The following MFN1 variants were observed in gnomAD, a reference collection of about 807,000 sequenced individuals.
MFN1 encodes the protein mitofusin 1.
In MFN1, 65 loss-of-function variants were observed where a neutral mutation model predicts 92.4. The observed-to-expected ratio is 0.70, with a 90% CI of 0.58 to 0.86. The LOEUF is 0.86. Ranked by LOEUF, MFN1 falls within the 40% of genes least tolerant of loss-of-function variation. The probability of loss-of-function intolerance (pLI) is 0.00; values close to 1 mark genes in which losing one functional copy is unlikely to be tolerated. For missense variants in MFN1, 781 were observed against 868.0 expected (o/e 0.90, Z 1.26); for synonymous variants, 297 against 300.9 (o/e 0.99, Z 0.13).
At chr3:179,382,053 A>G (rs1713487277) in intron 14 of MFN1, among the ~76,000 whole-genome samples, 1 of 142,434 alleles carries the variant, frequency 7.0e-6, no homozygotes, top group Non-Finnish European at 1.5e-5. Context: ...ATAAACTAGC[A>G]TAAATACAAG....
At chr3:179,379,210 C>T (rs975033224) in intron 14 of MFN1, among the ~76,000 whole-genome samples, 2 of 152,224 alleles carry the variant, frequency 1.3e-5, no homozygotes, top group African/African-American at 4.8e-5. Context: ...ACTAAAATGG[C>T]ACATGTGCAG....
Position 179,390,099 on chromosome 3 carries a change from A to G in MFN1, c.2108A>G (p.Asp703Gly). ...ATTGCTAGATTACCCAAAGAAATAG[A>G]TCAGTTGGAGAAAATACAAAACAAT... Reference protein sequence around the residue: ...EEIARLPKEIDQLEKIQNNSK... With the variant: ...EEIARLPKEIGQLEKIQNNSK... The change falls in exon 17 of 18, where the codon GAT (aspartate) becomes GGT (glycine). Residue 703 changes from aspartate (D) to glycine (G), a missense_variant. Transcript: ENST00000471841. The G allele has an allele frequency of 6.2e-7, 1 of 1,604,616 alleles. No homozygotes were observed.
At chr3:179,386,920 AT>A (rs1713708147) in intron 16 of MFN1, among the ~76,000 whole-genome samples, 1 of 151,562 alleles carries the variant, frequency 6.6e-6, no homozygotes, top group Non-Finnish European at 1.5e-5. Flanking sequence ...ATAGTTCTTA[AT>A]TTTTTTTCTT....
chr3:179,358,262 T>C (rs1712425047), intron 3 of MFN1, among the ~76,000 whole-genome samples: 1 of 151,546 alleles, frequency 6.6e-6, no homozygotes, highest in Non-Finnish European at 1.5e-5. Context: ...GCGATTCTTC[T>C]GCCTCAGTCT....
intron 1 of MFN1, 144 bp from the exon 2 acceptor site, chr3:179,348,701 C>G: frequency 7.9e-7 from 1 of 1,263,196 alleles, no homozygotes; most frequent in South Asian, 1.8e-5. Context: ...CTGACTAGAA[C>G]ACTCCCAAAA....
rs1713934894 is a variant in MFN1, at chr3:179,392,320, C to T, written c.*261C>T. 1 of 281,048 alleles carries T rather than the reference C, an allele frequency of 3.6e-6. No individual in the cohort carries two copies. Among genetic ancestry groups the T allele is most frequent in the South Asian group, 1.6e-4 (1 of 6,418 alleles). The allele number at this position is 281,048 out of a possible 1,614,324, so 17.4% of individuals were successfully genotyped here. ...AGCAACAGTACCAACTTATGTGACC[C>T]CTGAGGGGTGGGGCTGTGAGCTCTT... is the stretch of plus-strand genomic sequence containing the variant. On this transcript the variant is annotated 3_prime_UTR_variant, in exon 18 of 18. Transcript: ENST00000471841.
At chr3:179,368,917 A>G (rs1298966800) in intron 9 of MFN1, among the ~76,000 whole-genome samples, 1 of 152,196 alleles carries the variant, frequency 6.6e-6, no homozygotes, top group Non-Finnish European at 1.5e-5. Flanking sequence ...TGTAAAGGGG[A>G]CATGAATGTT....
chr3:179,377,018 T>C (rs1434483444), intron 10 of MFN1, 24 bp from the exon 11 acceptor site: 1 of 1,610,770 alleles, frequency 6.2e-7, no homozygotes, highest in Non-Finnish European at 8.5e-7. Flanking sequence ...CCCTGAACGT[T>C]GATTACTCTT....
At chr3:179,358,799 A>T in intron 3 of MFN1, 41 bp from the exon 4 acceptor site, 3 of 1,559,632 alleles carry the variant, frequency 1.9e-6, no homozygotes, top group African/African-American at 2.7e-5. Context: ...TACTTTTTTT[A>T]CTGTTATGTT....
chr3:179,364,482 A>G, intron 6 of MFN1, 77 bp downstream of exon 6: 1 of 1,167,482 alleles, frequency 8.6e-7, no homozygotes, highest in Non-Finnish European at 1.3e-6. Context: ...AAAGCAAGGG[A>G]AATCCATATC....
chr3:179,389,311 A>G (rs1713812211), intron 16 of MFN1, among the ~76,000 whole-genome samples: 1 of 152,182 alleles, frequency 6.6e-6, no homozygotes, highest in Non-Finnish European at 1.5e-5. Context: ...CCCTGCATTG[A>G]TTATCAAACA....
chr3:179,358,418 G>A (rs1431472454), intron 3 of MFN1, among the ~76,000 whole-genome samples: 1 of 152,178 alleles, frequency 6.6e-6, no homozygotes, highest in East Asian at 1.9e-4. Flanking sequence ...TTCCCAAAGT[G>A]CTGGGATTAC....
chr3:179,349,543 T>C (rs1576999019), intron 2 of MFN1, among the ~76,000 whole-genome samples: 1 of 151,668 alleles, frequency 6.6e-6, no homozygotes, highest in South Asian at 2.1e-4. Flanking sequence ...GAGTCTTGTC[T>C]TGTTGCCCAG....
chr3:179,372,053 T>A (rs1452350481), intron 9 of MFN1, among the ~76,000 whole-genome samples: 3 of 147,008 alleles, frequency 2.0e-5, no homozygotes, highest in African/African-American at 5.0e-5. Flanking sequence ...TTATATATAT[T>A]TATTATATAT....
In MFN1 at chr3:179,375,267, T is replaced by C. The variant is rs1167636275; in HGVS notation, c.1023T>C (p.Thr341=). The C allele has an allele frequency of 6.2e-7, 1 of 1,614,004 alleles. No individual in the cohort carries two copies. The highest frequency in any genetic ancestry group is 2.2e-5 in the East Asian group (1 of 44,852). The stretch of plus-strand genomic sequence containing the variant: ...TGAAAACAAAGTTCGAACAGCACAC[T>C]ATCAGAGCTAAACAGATACTAGCTA... ...SAVKTKFEQH[T]IRAKQILATV... The change falls in exon 10 of 18, where the codon ACT becomes ACC. Residue 341 remains threonine, a synonymous_variant. Coordinates refer to ENST00000471841, the MANE Select transcript of MFN1 (RefSeq NM_033540.3).
intron 2 of MFN1, among the ~76,000 whole-genome samples, chr3:179,350,160 A>G (rs1576999289): frequency 6.6e-6 from 1 of 152,132 alleles, no homozygotes; most frequent in Non-Finnish European, 1.5e-5. Flanking sequence ...TCAAAAAAAA[A>G]AAAAGATTAT....
At chr3:179,374,413 TAA>T (rs1553847249) in intron 9 of MFN1, among the ~76,000 whole-genome samples, 1 of 110,818 alleles carries the variant, frequency 9.0e-6, no homozygotes, top group Non-Finnish European at 2.0e-5. Flanking sequence ...TATATATATA[TAA>T]GATAACAAGT....
intron 4 of MFN1, among the ~76,000 whole-genome samples, chr3:179,360,018 T>C (rs1712511900): frequency 2.0e-5 from 3 of 151,994 alleles, no homozygotes; most frequent in Non-Finnish European, 4.4e-5. Context: ...TGGGCTCAAG[T>C]GATTCTCCTC....
At chr3:179,364,086 T>A (rs1712688804) in intron 5 of MFN1, among the ~76,000 whole-genome samples, 1 of 152,158 alleles carries the variant, frequency 6.6e-6, no homozygotes, top group Admixed American at 6.6e-5. Flanking sequence ...ATTTCAGCCA[T>A]CTAAAGCATA....
Sources: allele counts gnomAD v4.1 joint callset (sites outside exome capture counted in the v4.1 genomes callset), GRCh38; gene constraint gnomAD v4.1.1; transcripts MANE v1.5; gene names NCBI Gene and HGNC (gene_info 2026-07-23, HGNC 2026-07-21).